The following UCHL3 variants were observed in gnomAD, a reference collection of about 807,000 sequenced individuals.
The protein encoded by UCHL3 is ubiquitin carboxyl-terminal hydrolase isozyme L3.
Under a neutral mutation model 35.8 loss-of-function variants are expected in UCHL3, and 22 were observed. That is an observed-to-expected ratio of 0.61 (90% confidence interval 0.44 to 0.88). UCHL3 has a LOEUF of 0.88. Ranked by LOEUF, UCHL3 falls within the 40% of genes least tolerant of loss-of-function variation. UCHL3 has a pLI of 0.00. For missense variants in UCHL3, 229 were observed against 276.9 expected (o/e 0.83, Z 1.23); for synonymous variants, 90 against 92.8 (o/e 0.97, Z 0.17).
rs746104640 is a variant in UCHL3 at position 75,549,803 on chromosome 13, G to A, written c.-18G>A. 12 of 1,535,832 alleles carry A rather than the reference G, an allele frequency of 7.8e-6. No individual in the cohort carries two copies. The East Asian group carries it at 1.2e-4, about 15-fold the overall frequency. On this transcript the variant is annotated 5_prime_UTR_variant, in exon 1 of 9. Coordinates refer to ENST00000377595, the MANE Select transcript of UCHL3 (RefSeq NM_006002.5). ...GAAGGCGGCGGCTGTCAGAGCTGGA[G>A]GGCCGGGCACCGCGGCCATGGAGGG... is the stretch of plus-strand genomic sequence containing the variant.
intron 6 of UCHL3, among the ~76,000 whole-genome samples, chr13:75,592,448 A>ATATACATATATATATATGTATATATG (rs1555276758): frequency 1.7e-5 from 2 of 116,644 alleles, no homozygotes; most frequent in East Asian, 2.4e-4. Flanking sequence ...ATATATATAT[A>ATATACATATATATATATGTATATATG]TATATATATA....
At chr13:75,550,662 G>T (rs1271947000) in intron 2 of UCHL3, among the ~76,000 whole-genome samples, 1 of 151,878 alleles carries the variant, frequency 6.6e-6, no homozygotes, top group African/African-American at 2.4e-5. Context: ...CCACTCAGAA[G>T]AGTAAGTGCT....
intron 2 of UCHL3, among the ~76,000 whole-genome samples, chr13:75,555,420 G>A (rs536689068): frequency 1.2e-4 from 18 of 152,292 alleles, no homozygotes; most frequent in Non-Finnish European, 1.5e-4. Context: ...GCAGGGATGC[G>A]TCTGAAGTAT....
At chr13:75,594,116 A>G (rs376611194) in intron 6 of UCHL3, among the ~76,000 whole-genome samples, 4 of 152,342 alleles carry the variant, frequency 2.6e-5, no homozygotes, top group Middle Eastern at 3.4e-3. Flanking sequence ...AGGAAGTGCC[A>G]GTTAATCAAT....
intron 6 of UCHL3, among the ~76,000 whole-genome samples, chr13:75,592,429 T>TGTTTATAC (rs777910997): frequency 1.2e-5 from 1 of 85,572 alleles, no homozygotes; most frequent in Non-Finnish European, 2.4e-5. Context: ...TATATATATA[T>TGTTTATAC]ATATATATAT....
intron 6 of UCHL3, among the ~76,000 whole-genome samples, chr13:75,587,980 A>G (rs1055480134): frequency 6.6e-6 from 1 of 152,142 alleles, no homozygotes; most frequent in African/African-American, 2.4e-5. Flanking sequence ...GTGAATTGCC[A>G]CAAACGTATT....
intron 6 of UCHL3, among the ~76,000 whole-genome samples, chr13:75,581,444 G>T (rs925416632): frequency 1.3e-5 from 2 of 151,062 alleles, no homozygotes; most frequent in African/African-American, 4.9e-5. Flanking sequence ...TGATCTCCTG[G>T]GCTCAAACCA....
upstream of UCHL3, chr13:75,549,695 T>C: frequency 8.9e-7 from 1 of 1,119,506 alleles, no homozygotes; most frequent in Non-Finnish European, 1.2e-6. Flanking sequence ...AAACTCTTTT[T>C]GGTGTTTAGG....
intron 7 of UCHL3, chr13:75,604,546 C>G: frequency 5.3e-6 from 2 of 379,520 alleles, no homozygotes; most frequent in Non-Finnish European, 9.3e-6. Context: ...AAATTCCGTT[C>G]ATGAAGATAA....
chr13:75,596,039 T>A (rs1233972686), intron 7 of UCHL3, among the ~76,000 whole-genome samples: 1 of 152,170 alleles, frequency 6.6e-6, no homozygotes, highest in Admixed American at 6.5e-5. Context: ...ACCTCTCATT[T>A]GCTGTCTATA....
chr13:75,554,337 T>C (rs545097463), intron 2 of UCHL3, among the ~76,000 whole-genome samples: 1 of 152,350 alleles, frequency 6.6e-6, no homozygotes, highest in South Asian at 2.1e-4. Context: ...TCTCTTCTAA[T>C]CTTGTAAGAT....
chr13:75,588,099 T>G (rs2032377249), intron 6 of UCHL3, among the ~76,000 whole-genome samples: 1 of 152,162 alleles, frequency 6.6e-6, no homozygotes, highest in African/African-American at 2.4e-5. Context: ...GCTAACTGAT[T>G]AAATTGAAAG....
intron 3 of UCHL3, among the ~76,000 whole-genome samples, chr13:75,563,127 T>TATG (rs1566212344): frequency 0.043 from 2,408 of 56,404 alleles, 71 homozygotes; most frequent in African/African-American, 0.088. Context: ...TCATTATCCT[T>TATG]TATGTATGTA....
At chr13:75,597,552 A>G (rs2032675632) in intron 7 of UCHL3, among the ~76,000 whole-genome samples, 1 of 152,248 alleles carries the variant, frequency 6.6e-6, no homozygotes, top group African/African-American at 2.4e-5. Context: ...ACAACTATTT[A>G]CATAGCATTT....
chr13:75,586,913 A>T (rs1431757601), intron 6 of UCHL3, among the ~76,000 whole-genome samples: 1 of 151,834 alleles, frequency 6.6e-6, no homozygotes, highest in Non-Finnish European at 1.5e-5. Flanking sequence ...ATAGTAGAAA[A>T]AAACAAACAA....
At chr13:75,595,061 GACTATTGATATT>G in intron 7 of UCHL3, 71 bp downstream of exon 7, 1 of 1,152,088 alleles carries the variant, frequency 8.7e-7, no homozygotes, top group Non-Finnish European at 1.2e-6. Context: ...TGATAAACAG[GACTATTGATATT>G]TATTGTGTTT....
chr13:75,571,973 ACCCTG>A (rs1216954449), intron 6 of UCHL3, among the ~76,000 whole-genome samples: 6 of 66,260 alleles, frequency 9.1e-5, no homozygotes, highest in African/African-American at 5.3e-4. Context: ...AGTTTTCCTA[ACCCTG>A]TCTTGTCTTG....
intron 6 of UCHL3, among the ~76,000 whole-genome samples, chr13:75,592,452 A>ATATGTATATATG (rs1555276771): frequency 1.7e-5 from 2 of 114,836 alleles, no homozygotes; most frequent in East Asian, 2.3e-4. Flanking sequence ...ATATATATAT[A>ATATGTATATATG]TATATATATA....
rs143795829 is a variant in UCHL3 at position 75,568,454 on chromosome 13, C to T, written c.427-1006C>T. On this transcript the variant is annotated intron_variant, in intron 5 of 8. Transcript: ENST00000377595. The stretch of plus-strand genomic sequence containing the variant: ...CTCTTACTAATGAGAGGTAGATAAA[C>T]ATTAATATTTTTTAGGGAGTGTATA... 4.0e-4 allele frequency among the ~76,000 whole-genome samples: 61 copies of T among 150,998 alleles called. 1 individual carries two copies. The East Asian group carries it at 0.012, about 29-fold the overall frequency.
Sources: gnomAD v4.1 joint callset for allele counts (sites outside exome capture counted in the v4.1 genomes callset) on GRCh38, gnomAD v4.1.1 for gene constraint, MANE v1.5 for transcripts, NCBI Gene and HGNC (gene_info 2026-07-23, HGNC 2026-07-21) for gene names.